The following PDGFD variants were observed in gnomAD, a reference collection of about 807,000 sequenced individuals.
The protein encoded by PDGFD is platelet derived growth factor D.
Under a neutral mutation model 44.7 loss-of-function variants are expected in PDGFD, and 30 were observed. The observed-to-expected ratio is 0.67, with a 90% CI of 0.50 to 0.91. The LOEUF is 0.91. Ranked by LOEUF, PDGFD falls within the 40% of genes least tolerant of loss-of-function variation. The probability of loss-of-function intolerance (pLI) is 0.00; values close to 1 mark genes in which losing one functional copy is unlikely to be tolerated. For missense variants in PDGFD, 445 were observed against 457.8 expected (o/e 0.97, Z 0.25); for synonymous variants, 173 against 168.4 (o/e 1.03, Z -0.21).
chr11:104,012,715 T>C (rs1859801351), intron 1 of PDGFD, among the ~76,000 whole-genome samples: 1 of 152,248 alleles, frequency 6.6e-6, no homozygotes, highest in South Asian at 2.1e-4. Context: ...AGTTTATTTT[T>C]TGTTCATGCT....
chr11:104,106,836 C>T (rs994491337), intron 1 of PDGFD, among the ~76,000 whole-genome samples: 67 of 151,716 alleles, frequency 4.4e-4, no homozygotes, highest in African/African-American at 1.9e-4. Flanking sequence ...CTCTGCTTCC[C>T]GAGTTCAAGC....
chr11:104,132,684 C>T (rs1861941748), intron 1 of PDGFD, among the ~76,000 whole-genome samples: 1 of 152,048 alleles, frequency 6.6e-6, no homozygotes, highest in Non-Finnish European at 1.5e-5. Flanking sequence ...ATTATTTATG[C>T]TGAATATTGA....
intron 5 of PDGFD, among the ~76,000 whole-genome samples, chr11:103,942,057 C>T (rs1858592474): frequency 6.6e-6 from 1 of 152,030 alleles, no homozygotes; most frequent in South Asian, 2.1e-4. Context: ...TTCTTGTCCC[C>T]CTCTTAGCTA....
intron 1 of PDGFD, among the ~76,000 whole-genome samples, chr11:104,129,836 G>A (rs570559148): frequency 2.0e-5 from 3 of 151,876 alleles, no homozygotes; most frequent in Non-Finnish European, 2.9e-5. Flanking sequence ...TGGTGAAACC[G>A]TGCTTCTATT....
At chr11:104,069,076 G>A (rs918219941) in intron 1 of PDGFD, among the ~76,000 whole-genome samples, 11 of 152,126 alleles carry the variant, frequency 7.2e-5, no homozygotes, top group African/African-American at 2.4e-4. Flanking sequence ...GTCTATAAGA[G>A]CAAACAAAAA....
intron 1 of PDGFD, among the ~76,000 whole-genome samples, chr11:104,053,241 G>T (rs1224221571): frequency 6.6e-6 from 1 of 152,118 alleles, no homozygotes; most frequent in African/African-American, 2.4e-5. Context: ...ATACTAAGAA[G>T]CTGAGAGTCC....
intron 3 of PDGFD, among the ~76,000 whole-genome samples, chr11:103,990,794 G>A (rs917416109): frequency 1.6e-4 from 25 of 152,134 alleles, no homozygotes; most frequent in African/African-American, 4.3e-4. Context: ...TGGGTGTTCC[G>A]AATAGTCAAT....
Position 104,163,797 on chromosome 11 carries a change from C to A in PDGFD, c.124+7G>T. On this transcript the variant is annotated splice_region_variant and intron_variant, in intron 1 of 6. Transcript: ENST00000393158. ...TTTTCAGTTAAAAAATAAAATGAGT[C>A]TCTTACCATCTCGCCTGAGGTTGGC... 2 of 1,523,438 alleles carry A rather than the reference C, an allele frequency of 1.3e-6. No homozygotes were observed. The highest frequency in any genetic ancestry group is 1.8e-6 in the Non-Finnish European group (2 of 1,123,514). 94.4% of individuals were successfully genotyped at this position (1,523,438 alleles called of 1,614,324 possible). A position where few individuals can be genotyped will look rare whatever the true frequency, so the allele number is the denominator to read the frequency against.
intron 1 of PDGFD, among the ~76,000 whole-genome samples, chr11:104,041,110 C>T (rs1172065113): frequency 6.6e-6 from 1 of 151,888 alleles, no homozygotes; most frequent in Non-Finnish European, 1.5e-5. Context: ...GAAATGACAA[C>T]AGAGTAGGCA....
At chr11:104,133,467 G>A (rs1376252166) in intron 1 of PDGFD, among the ~76,000 whole-genome samples, 1 of 152,050 alleles carries the variant, frequency 6.6e-6, no homozygotes, top group East Asian at 1.9e-4. Flanking sequence ...CTAAACTAAG[G>A]AGAATACAAT....
At chr11:104,143,827 A>T (rs1862120735) in intron 1 of PDGFD, among the ~76,000 whole-genome samples, 2 of 152,244 alleles carry the variant, frequency 1.3e-5, no homozygotes, top group South Asian at 4.1e-4. Context: ...TCTTTTCCTT[A>T]GTTATATTAT....
chr11:104,023,133 T>C (rs546039378), intron 1 of PDGFD, among the ~76,000 whole-genome samples: 3 of 152,248 alleles, frequency 2.0e-5, no homozygotes, highest in East Asian at 1.9e-4. Context: ...TTGTATATAA[T>C]TAAAAATCTG....
At chr11:104,103,342 C>T (rs1004418937) in intron 1 of PDGFD, among the ~76,000 whole-genome samples, 1 of 151,592 alleles carries the variant, frequency 6.6e-6, no homozygotes, top group Admixed American at 6.6e-5. Flanking sequence ...TCTGTATGTC[C>T]ATTATAACCC....
chr11:104,074,133 G>A (rs1020897799), intron 1 of PDGFD, among the ~76,000 whole-genome samples: 2 of 152,080 alleles, frequency 1.3e-5, no homozygotes, highest in East Asian at 1.9e-4. Flanking sequence ...CTGCTTAGAC[G>A]ATAAGCTGAG....
chr11:104,043,011 G>A (rs1032560946), intron 1 of PDGFD, among the ~76,000 whole-genome samples: 1 of 151,952 alleles, frequency 6.6e-6, no homozygotes, highest in African/African-American at 2.4e-5. Context: ...TTATGTCATT[G>A]GCCAATATCA....
At chr11:104,119,182 A>ATT (rs1861708319) in intron 1 of PDGFD, among the ~76,000 whole-genome samples, 1 of 6,626 alleles carries the variant, frequency 1.5e-4, no homozygotes, top group African/African-American at 4.5e-4. Context: ...ATATTAATAT[A>ATT]ATATATTGAT....
intron 1 of PDGFD, among the ~76,000 whole-genome samples, chr11:104,086,953 C>T (rs1015765724): frequency 6.8e-6 from 1 of 146,806 alleles, no homozygotes; most frequent in African/African-American, 2.5e-5. Flanking sequence ...CTTTAGCTTA[C>T]AATGCACTGT....
rs771660898 is a variant in PDGFD at position 103,950,761 on chromosome 11, G to A, written c.511-3037C>T. ...ATAATGTGTGTATGGGGAGAAAAAC[G>A]ATGAAACAGTTTCCAAAAGGGGAAT... On this transcript the variant is annotated intron_variant, in intron 3 of 6. Transcript: ENST00000393158. Among the ~76,000 whole-genome samples the A allele has an allele frequency of 1.5e-3, 233 of 152,136 alleles. 1 individual carries two copies. Among genetic ancestry groups the A allele is most frequent in the Non-Finnish European group, 2.9e-3 (198 of 67,998 alleles).
intron 1 of PDGFD, among the ~76,000 whole-genome samples, chr11:104,081,538 T>C (rs907976166): frequency 3.9e-5 from 6 of 152,158 alleles, no homozygotes; most frequent in African/African-American, 1.4e-4. Flanking sequence ...AAGAGCCACA[T>C]AGTCTCTATG....
Sources: allele counts gnomAD v4.1 joint callset (sites outside exome capture counted in the v4.1 genomes callset), GRCh38; gene constraint gnomAD v4.1.1; transcripts MANE v1.5; gene names NCBI Gene and HGNC (gene_info 2026-07-23, HGNC 2026-07-21).